KLK4: variants seen among roughly 807,000 people sequenced by gnomAD.
KLK4 encodes the protein kallikrein related peptidase 4.
Under a neutral mutation model 24.3 loss-of-function variants are expected in KLK4, and 24 were observed. The ratio of observed to expected loss-of-function variants is 0.99; its 90% CI spans 0.72 to 1.39. KLK4 has a LOEUF of 1.39. KLK4 is among the 40% of genes most tolerant of loss of function. The probability of loss-of-function intolerance (pLI) is 0.00; values close to 1 mark genes in which losing one functional copy is unlikely to be tolerated. For missense variants in KLK4, 344 were observed against 327.4 expected (o/e 1.05, Z -0.39); for synonymous variants, 142 against 138.8 (o/e 1.02, Z -0.16).
intron 5 of KLK4, 111 bp from the exon 6 acceptor site, chr19:50,907,197 A>G (rs2090440364): frequency 1.8e-6 from 2 of 1,087,406 alleles, no homozygotes; most frequent in African/African-American, 3.1e-5. Context: ...ACCATCATCA[A>G]TAACAACATA....
At chr19:50,909,564 G>A in intron 2 of KLK4, 150 bp from the exon 3 acceptor site, 1 of 830,620 alleles carries the variant, frequency 1.2e-6, no homozygotes, top group South Asian at 1.5e-5. Flanking sequence ...CTCAGGAGGC[G>A]GGCCCAGGGC....
At chr19:50,907,001 A>G in exon 6 of KLK4, 1 of 1,614,170 alleles carries the variant, frequency 6.2e-7, no homozygotes, top group Non-Finnish European at 8.5e-7. Context: ...GACACCTGGC[A>G]CGCCAACTTG....
intron 3 of KLK4, 105 bp from the exon 4 acceptor site, chr19:50,908,934 C>T (rs1409604172): frequency 1.9e-6 from 3 of 1,548,744 alleles, no homozygotes; most frequent in Non-Finnish European, 2.6e-6. Flanking sequence ...CAACCCCACC[C>T]TCTTCGCTAA....
rs762687656 is a variant in KLK4, at chr19:50,909,445, C to A, written c.62-31G>T. ...GGCGGAGTCAGGGATGGGATCGGGA[C>A]CAGGAGGCGGGCCCAGGGTTCCTGG... On this transcript the variant is annotated intron_variant, in intron 2 of 5. Transcript: ENST00000324041. The A allele has an allele frequency of 3.3e-5, 53 of 1,611,988 alleles. 1 individual carries two copies. The South Asian group carries it at 5.8e-4, about 18-fold the overall frequency.
intron 5 of KLK4, chr19:50,908,049 T>G: frequency 6.5e-6 from 3 of 460,560 alleles, no homozygotes; most frequent in Non-Finnish European, 1.2e-5. Flanking sequence ...TTTTGGGGAG[T>G]CAAAAGTTAT....
rs2090463675 is a variant in KLK4, at chr19:50,909,233, C to T, written c.224+19G>A. ...CCCCGGACCCAGGCCCTGCCCACTC[C>T]CCCTACCTCTGCACTCACTTCTGGA... is the stretch of plus-strand genomic sequence containing the variant. On this transcript the variant is annotated intron_variant, in intron 3 of 5. Coordinates refer to ENST00000324041, the Ensembl canonical transcript of KLK4. 16 of 1,614,114 alleles carry T rather than the reference C, an allele frequency of 9.9e-6. No homozygotes were observed. Among genetic ancestry groups the T allele is most frequent in the Non-Finnish European group, 1.3e-5 (15 of 1,180,006 alleles).
Position 50,910,887 on chromosome 19 carries a change from C to A in KLK4, c.-11-138G>T. The A allele has an allele frequency of 1.4e-6, 1 of 726,168 alleles. No homozygotes were observed. The allele number at this position is 726,168 out of a possible 1,614,324, so 45.0% of individuals were successfully genotyped here. A position where few individuals can be genotyped will look rare whatever the true frequency, so the allele number is the denominator to read the frequency against. ...AGCCTAGACCATCTACCCCCTCTCC[C>A]ATCCATGGACCCAGAACCTAGAGAG... On this transcript the variant is annotated intron_variant, in intron 1 of 5. Transcript: ENST00000324041. The surrounding 1 kb of genome is among the most constrained non-coding windows in gnomAD (Gnocchi z 4.4).
chr19:50,907,092 G>T lies in KLK4; in HGVS notation c.613-6C>A. 6.2e-7 allele frequency: 1 copy of T among 1,614,042 alleles called. No individual in the cohort carries two copies. Among genetic ancestry groups the T allele is most frequent in the South Asian group, 1.1e-5 (1 of 91,086 alleles). On this transcript the variant is annotated splice_polypyrimidine_tract_variant and splice_region_variant and intron_variant, in intron 5 of 5. Coordinates refer to ENST00000324041, the Ensembl canonical transcript of KLK4. ...AGGGGCCCCCCAGAGTCACCCTGTT[G>T]TGAAGAGAGGGAGAGTCAGAATTCA...
In KLK4 at chr19:50,908,073, G is replaced by A. The variant is rs1701929; in HGVS notation, c.612+286C>T. 0.72 allele frequency: 362,808 copies of A among 501,390 alleles called. 135,913 individuals carry two copies. Among genetic ancestry groups the A allele is most frequent in the African/African-American group, 0.86 (44,503 of 51,862 alleles). The allele number at this position is 501,390 out of a possible 1,614,324, so 31.1% of individuals were successfully genotyped here. A position where few individuals can be genotyped will look rare whatever the true frequency, so the allele number is the denominator to read the frequency against. On this transcript the variant is annotated intron_variant, in intron 5 of 5. Coordinates refer to ENST00000324041, the Ensembl canonical transcript of KLK4. ...GTCAAAAGTTATAAGAGGATTTTCT[G>A]TTGGGTGGAGGTCACCGCCCTCAGG... is the stretch of plus-strand genomic sequence containing the variant.
exon 6 of KLK4, chr19:50,906,802 T>C (rs1399398882): frequency 1.1e-6 from 1 of 907,670 alleles, no homozygotes; most frequent in African/African-American, 3.8e-5. Context: ...TCTGTACCCT[T>C]GGTTTGAGGG....
At chr19:50,908,738 G>A (rs1403710201) in exon 4 of KLK4, 3 of 1,614,164 alleles carry the variant, frequency 1.9e-6, no homozygotes, top group South Asian at 1.1e-5. Context: ...TTGTACTCTG[G>A]GTGCCGTACG....
In KLK4 at chr19:50,910,616, T is replaced by A. The variant is rs1336068380; in HGVS notation, c.61+62A>T. On this transcript the variant is annotated intron_variant, in intron 2 of 5. Coordinates refer to ENST00000324041, the Ensembl canonical transcript of KLK4. The surrounding 1 kb of genome is among the most constrained non-coding windows in gnomAD (Gnocchi z 4.4). ...AAGCAAGAGGACACTGAGTCACACC[T>A]GAACATTAACAAACACTGTGCCCCC... The A allele has an allele frequency of 2.1e-5, 31 of 1,457,142 alleles. No individual in the cohort carries two copies. The highest frequency in any genetic ancestry group is 2.8e-5 in the Non-Finnish European group (30 of 1,061,238). The allele number at this position is 1,457,142 out of a possible 1,614,324, so 90.3% of individuals were successfully genotyped here. A position where few individuals can be genotyped will look rare whatever the true frequency, so the allele number is the denominator to read the frequency against.
chr19:50,908,789 C>G, exon 4 of KLK4: 1 of 1,613,360 alleles, frequency 6.2e-7, no homozygotes, highest in Non-Finnish European at 8.5e-7. Flanking sequence ...GGCTCTTGGT[C>G]GGCCTCAAGA....
rs1184533631 is a variant in KLK4, at chr19:50,910,773, G to A, written c.-11-24C>T. On this transcript the variant is annotated intron_variant, in intron 1 of 5. Transcript: ENST00000324041. The surrounding 1 kb of genome is among the most constrained non-coding windows in gnomAD (Gnocchi z 4.4). ...ACCTGGGGATGAGGACTGAGACTTA[G>A]CCGTGTCTGGGGATCTTCAGCCCAA... 89 of 1,539,476 alleles carry A rather than the reference G, an allele frequency of 5.8e-5. No homozygotes were observed. The highest frequency in any genetic ancestry group is 7.7e-5 in the Non-Finnish European group (87 of 1,135,904).
chr19:50,909,462 G>T (rs1406396180), intron 2 of KLK4, 48 bp from the exon 3 acceptor site: 1 of 1,599,304 alleles, frequency 6.3e-7, no homozygotes, highest in African/African-American at 1.3e-5. Context: ...GCGGGCCCAG[G>T]GTTCCTGGGG....
intron 5 of KLK4, chr19:50,908,095 C>T (rs1161498493): frequency 9.2e-6 from 5 of 546,392 alleles, no homozygotes; most frequent in Non-Finnish European, 1.6e-5. Context: ...TCACCGCCCT[C>T]AGGCCCCATG....
chr19:50,909,375 C>T (rs1243637967), exon 3 of KLK4: 2 of 1,614,048 alleles, frequency 1.2e-6, no homozygotes, highest in African/African-American at 1.3e-5. Flanking sequence ...GCAGTCCTCG[C>T]CGTTTATGAT....
chr19:50,908,950 C>T, intron 3 of KLK4, 121 bp from the exon 4 acceptor site: 1 of 1,530,946 alleles, frequency 6.5e-7, no homozygotes, highest in South Asian at 1.2e-5. Flanking sequence ...GCTAAACACC[C>T]TAAGAGCTAC....
intron 2 of KLK4, among the ~76,000 whole-genome samples, chr19:50,909,874 T>C (rs920517273): frequency 1.3e-5 from 2 of 151,706 alleles, no homozygotes; most frequent in African/African-American, 4.8e-5. Flanking sequence ...TCAGTGCTCC[T>C]AGGGTTGGGG....
Sources: allele counts gnomAD v4.1 joint callset (sites outside exome capture counted in the v4.1 genomes callset), GRCh38; gene constraint gnomAD v4.1.1; non-coding constraint Gnocchi (gnomAD v3.1); transcripts MANE v1.5; gene names NCBI Gene and HGNC (gene_info 2026-07-23, HGNC 2026-07-21).